Variants in VEGFB observed in about 807,000 individuals in gnomAD.
VEGFB encodes vascular endothelial growth factor B, also known as VEGF-related factor.
A neutral mutation model predicts 22.5 loss-of-function variants in VEGFB; 24 were observed. The observed-to-expected ratio is 1.07, with a 90% confidence interval of 0.77 to 1.50. The LOEUF is 1.50. VEGFB is among the 40% of genes most tolerant of loss of function. The pLI is 0.00. For synonymous variants in VEGFB, 141 were observed against 117.4 expected, an observed-to-expected ratio of 1.20 and a Z score of -1.30; for missense variants, 327 against 287.8, an observed-to-expected ratio of 1.14 and a Z score of -0.99.
Position 64,234,703 on chromosome 11 carries a change from AGTCGCCCCCCGCGCCCGGCCCCCGCCC to A in VEGFB, c.-129_-103del. 6.2e-6 allele frequency: 1 copy of A among 160,368 alleles called. No homozygotes were observed. The highest frequency in any genetic ancestry group is 1.1e-5 in the Non-Finnish European group (1 of 87,272). 9.9% of individuals were successfully genotyped at this position (160,368 alleles called of 1,614,324 possible). A position where few individuals can be genotyped will look rare whatever the true frequency, so the allele number is the denominator to read the frequency against. On this transcript the variant is annotated 5_prime_UTR_variant, in exon 1 of 7. Coordinates refer to ENST00000309422, the MANE Select transcript of VEGFB (RefSeq NM_003377.5). The surrounding 1 kb of genome is among the most constrained non-coding windows in gnomAD (Gnocchi z 5.3). ...AGGGCTCGGGAGGGGGCCGCGGAGG[AGTCGCCCCCCGCGCCCGGCCCCCGCCC>A]GCCGCGCCCGGGCCCGCGCCATGGG...
At chr11:64,237,159 G>T (rs367791158) in intron 4 of VEGFB, 28 bp from the exon 5 acceptor site, 4 of 1,576,862 alleles carry the variant, frequency 2.5e-6, no homozygotes, top group Non-Finnish European at 2.6e-6. Context: ...CCTCTTGTTT[G>T]TCTGTGTCTG....
Position 64,237,117 on chromosome 11 carries a change from G to C in VEGFB, c.375-70G>C, listed in dbSNP as rs1330629852. 105 of 764,308 alleles carry C rather than the reference G, an allele frequency of 1.4e-4. 10 individuals carry two copies. Among genetic ancestry groups the C allele is most frequent in the African/African-American group, 8.2e-4 (40 of 48,752 alleles). The allele number at this position is 764,308 out of a possible 1,614,324, so 47.3% of individuals were successfully genotyped here. ...AGAGAGAGAGAGAGAGAGAGAGAGAGAGAGAGTAGGATGCTGGGATTTCCT... is the reference window on the plus strand; with the variant it reads ...AGAGAGAGAGAGAGAGAGAGAGAGACAGAGAGTAGGATGCTGGGATTTCCT... On this transcript the variant is annotated intron_variant, in intron 4 of 6. Transcript: ENST00000309422.
At chr11:64,237,061 CAAG>C in intron 4 of VEGFB, 123 bp from the exon 5 acceptor site, 1 of 761,586 alleles carries the variant, frequency 1.3e-6, no homozygotes, top group South Asian at 2.3e-5. Context: ...CCAGCCTGGG[CAAG>C]AAGAGGGAAA....
At chr11:64,237,121 GAGT>G in intron 4 of VEGFB, 63 bp from the exon 5 acceptor site, 1 of 625,514 alleles carries the variant, frequency 1.6e-6, no homozygotes, top group African/African-American at 2.4e-5. Flanking sequence ...GAGAGAGAGA[GAGT>G]AGGATGCTGG....
intron 3 of VEGFB, 108 bp downstream of exon 3, chr11:64,236,117 A>C: frequency 6.6e-7 from 1 of 1,520,160 alleles, no homozygotes; most frequent in Non-Finnish European, 8.9e-7. Flanking sequence ...CTGGAGACTG[A>C]TGCACAGGAG....
chr11:64,236,852 G>T (rs1449922843), intron 4 of VEGFB, among the ~76,000 whole-genome samples: 1 of 149,606 alleles, frequency 6.7e-6, no homozygotes, highest in African/African-American at 2.4e-5. Context: ...GCCCAGGCAG[G>T]CAGATCACCT....
In VEGFB at chr11:64,235,470, C is replaced by T. The variant is rs2029940432; in HGVS notation, c.73C>T (p.Gln25Ter). Reference sequence around the variant, plus strand: ...TTCTCTCCCACAGGCCCCTGTCTCCCAGCCTGATGCCCCTGGCCACCAGAG... The same window carrying T: ...TTCTCTCCCACAGGCCCCTGTCTCCTAGCCTGATGCCCCTGGCCACCAGAG... ...QLAPAQAPVS[Q>*]PDAPGHQRKV... is the part of the protein sequence containing the mutation. Residue 25 changes from glutamine (Q) to a stop codon, truncating the protein, a stop_gained, in exon 2 of 7, where the codon CAG becomes TAG. Coordinates refer to ENST00000309422, the MANE Select transcript of VEGFB (RefSeq NM_003377.5). LOFTEE classifies it high-confidence loss of function. 1 of 1,613,896 alleles carries T rather than the reference C, an allele frequency of 6.2e-7. No homozygotes were observed. The highest frequency in any genetic ancestry group is 1.3e-5 in the African/African-American group (1 of 75,038).
At position 64,237,633 on chromosome 11, in the gene VEGFB, G is replaced by C. The variant is rs1033683825; in HGVS notation, c.624G>C (p.Ter208TyrextTer41). ...AASSVAKGGA[*>Y] ...CCTCCGTTGCCAAGGGCGGGGCTTA[G>C]AGCTCAACCCAGACACCTGCAGGTG... The change falls in exon 6 of 7, where the codon TAG becomes TAC. Residue 208 changes from the stop codon to tyrosine (Y), a stop_lost. Coordinates refer to ENST00000309422, the MANE Select transcript of VEGFB (RefSeq NM_003377.5). 7 of 1,552,404 alleles carry C rather than the reference G, an allele frequency of 4.5e-6. No homozygotes were observed. In the African/African-American group the frequency reaches 8.1e-5, roughly 18 times the overall value.
Position 64,237,650 on chromosome 11 carries a change from C to A in VEGFB, c.*17C>A, listed in dbSNP as rs768234724. 1 of 1,527,010 alleles carries A rather than the reference C, an allele frequency of 6.5e-7. No homozygotes were observed. The highest frequency in any genetic ancestry group is 8.8e-7 in the Non-Finnish European group (1 of 1,136,130). 94.6% of individuals were successfully genotyped at this position (1,527,010 alleles called of 1,614,324 possible). The stretch of plus-strand genomic sequence containing the variant: ...GGGGCTTAGAGCTCAACCCAGACAC[C>A]TGCAGGTGAGGCGTCTGTGGGGTGG... On this transcript the variant is annotated 3_prime_UTR_variant, in exon 6 of 7. Coordinates refer to ENST00000309422, the MANE Select transcript of VEGFB (RefSeq NM_003377.5).
chr11:64,236,574 G>T (rs964281036), intron 4 of VEGFB, among the ~76,000 whole-genome samples: 2 of 151,872 alleles, frequency 1.3e-5, no homozygotes, highest in African/African-American at 4.8e-5. Context: ...AAAATTAGCC[G>T]GGCGTGGTGG....
Position 64,236,318 on chromosome 11 carries a change from G to A in VEGFB, c.365G>A (p.Cys122Tyr). Residue 122 changes from cysteine to tyrosine, a missense_variant, in exon 4 of 7, where the codon TGT (cysteine) becomes TAT (tyrosine). Transcript: ENST00000309422. ...ATGTCCCTGGAAGAACACAGCCAGTGTGAATGCAGGTGCCAGCCAGGCCCA... is the reference window on the plus strand; with the variant it reads ...ATGTCCCTGGAAGAACACAGCCAGTATGAATGCAGGTGCCAGCCAGGCCCA... ...GEMSLEEHSQCECRPKKKDSA... is the reference protein window; with the variant it reads ...GEMSLEEHSQYECRPKKKDSA... 2 of 1,613,714 alleles carry A rather than the reference G, an allele frequency of 1.2e-6. No homozygotes were observed. The highest frequency in any genetic ancestry group is 1.7e-6 in the Non-Finnish European group (2 of 1,179,978).
rs2030297369 is a variant in VEGFB at position 64,239,235 on chromosome 11, GA to G, written c.*906del. Among the ~76,000 whole-genome samples, 1 of 152,202 alleles carries G rather than the reference GA, an allele frequency of 6.6e-6. No individual in the cohort carries two copies. Among genetic ancestry groups the G allele is most frequent in the Non-Finnish European group, 1.5e-5 (1 of 68,034 alleles). On this transcript the variant is annotated 3_prime_UTR_variant, in exon 7 of 7. Coordinates refer to ENST00000309422, the MANE Select transcript of VEGFB (RefSeq NM_003377.5). ...AGTTTGAGACTATCTTTACGTAATAGAAAAGAACACTTGTTCTTCCTGCCAG... is the reference window on the plus strand; with the variant it reads ...AGTTTGAGACTATCTTTACGTAATAGAAAGAACACTTGTTCTTCCTGCCAG...
rs2030117283 is a variant in VEGFB, at chr11:64,237,085, A to AGAGAGAGAGAGAGAGAGAGAGAGAGAG, written c.375-102_375-101insGAGAGAGAGAGAGAGAGAGAGAGAGAG. ...GCAAGAAGAGGGAAACACAGTCTCA[A>AGAGAGAGAGAGAGAGAGAGAGAGAGAG]AGAGAGAGAGAGAGAGAGAGAGAGA... On this transcript the variant is annotated intron_variant, in intron 4 of 6. Transcript: ENST00000309422. 2.0e-5 allele frequency: 12 copies of AGAGAGAGAGAGAGAGAGAGAGAGAGAG among 604,622 alleles called. 3 individuals carry two copies. The East Asian group carries it at 2.3e-4, about 12-fold the overall frequency. The allele number at this position is 604,622 out of a possible 1,614,324, so 37.5% of individuals were successfully genotyped here. A position where few individuals can be genotyped will look rare whatever the true frequency, so the allele number is the denominator to read the frequency against.
chr11:64,237,392 C>T, intron 5 of VEGFB, 28 bp from the exon 6 acceptor site: 3 of 1,565,242 alleles, frequency 1.9e-6, no homozygotes, highest in East Asian at 2.3e-5. Context: ...TTCCTTCCCA[C>T]CCCAGACATG....
At position 64,234,645 on chromosome 11, in the gene VEGFB, C is replaced by T. The variant is rs1272915641; in HGVS notation, c.-189C>T. 1 of 147,712 alleles carries T rather than the reference C, an allele frequency of 6.8e-6. No individual in the cohort carries two copies. The highest frequency in any genetic ancestry group is 1.8e-4 in the South Asian group (1 of 5,540). 9.2% of individuals were successfully genotyped at this position (147,712 alleles called of 1,614,324 possible). On this transcript the variant is annotated 5_prime_UTR_variant, in exon 1 of 7. Transcript: ENST00000309422. This position sits in a 1 kb window ranked among gnomAD's most constrained non-coding sequence, Gnocchi z 5.3. ...CCCGCCCGCCCGGCTCCTCCGGCCG[C>T]CTCCGCTGCGCTGCGCTGCGCTGCC...
rs548255306 is a variant in VEGFB, at chr11:64,238,137, G to A, written c.*23-219G>A. ...GTGTCCCGCAGTGAGGCCATGGGGT[G>A]AAATCATATGGGCAGGGCCAGTGGG... On this transcript the variant is annotated intron_variant, in intron 6 of 6. Coordinates refer to ENST00000309422, the MANE Select transcript of VEGFB (RefSeq NM_003377.5). Among the ~76,000 whole-genome samples, 4 of 152,312 alleles carry A rather than the reference G, an allele frequency of 2.6e-5. No homozygotes were observed. The South Asian group carries it at 8.3e-4, about 32-fold the overall frequency.
rs184385429 is a variant in VEGFB at position 64,236,995 on chromosome 11, A to G, written c.375-192A>G. 211 of 431,812 alleles carry G rather than the reference A, an allele frequency of 4.9e-4. 13 individuals carry two copies. The East Asian group carries it at 8.4e-3, about 17-fold the overall frequency. The allele number at this position is 431,812 out of a possible 1,614,324, so 26.7% of individuals were successfully genotyped here. A position where few individuals can be genotyped will look rare whatever the true frequency, so the allele number is the denominator to read the frequency against. Reference sequence around the variant, plus strand: ...CTACTTGGGAGGCTGAGACAAGAGAATAGCTTGAACCTGGGAGGCGGAGGT... The same window carrying G: ...CTACTTGGGAGGCTGAGACAAGAGAGTAGCTTGAACCTGGGAGGCGGAGGT... On this transcript the variant is annotated intron_variant, in intron 4 of 6. Transcript: ENST00000309422.
At chr11:64,237,251 G>A (rs56271783) in intron 5 of VEGFB, 29 bp downstream of exon 5, 57 of 1,599,668 alleles carry the variant, frequency 3.6e-5, no homozygotes, top group Middle Eastern at 3.3e-4. Context: ...AGCTGAGTAG[G>A]GGTATGGGGA....
rs2030262026 is a variant in VEGFB, at chr11:64,238,554, C to A, written c.*221C>A. The A allele has an allele frequency of 1.4e-6, 1 of 725,310 alleles. No individual in the cohort carries two copies. Among genetic ancestry groups the A allele is most frequent in the Non-Finnish European group, 2.3e-6 (1 of 439,828 alleles). 44.9% of individuals were successfully genotyped at this position (725,310 alleles called of 1,614,324 possible). ...TCTGCCATCCCTTGTCTCCCTGAGG[C>A]CATCATCAAACAGGACAGAGTTGGA... On this transcript the variant is annotated 3_prime_UTR_variant, in exon 7 of 7. Transcript: ENST00000309422.
Sources: allele counts gnomAD v4.1 joint callset (sites outside exome capture counted in the v4.1 genomes callset), GRCh38; gene constraint gnomAD v4.1.1; non-coding constraint Gnocchi (gnomAD v3.1); transcripts MANE v1.5; gene names NCBI Gene and HGNC (gene_info 2026-07-23, HGNC 2026-07-21).